PCSK5: variants seen among roughly 807,000 people sequenced by gnomAD.
The protein encoded by PCSK5 is prohormone convertase 5.
PCSK5 carries 129 observed loss-of-function variants against 233.2 expected under a neutral mutation model. The observed-to-expected ratio is 0.55, with a 90% CI of 0.48 to 0.64. The LOEUF is 0.64. Ranked by LOEUF, PCSK5 falls within the 30% of genes least tolerant of loss-of-function variation. The pLI is 0.00. For synonymous variants in PCSK5, 825 were observed against 879.2 expected, an observed-to-expected ratio of 0.94 and a Z score of 1.09; for missense variants, 2,076 against 2,430.1, an observed-to-expected ratio of 0.85 and a Z score of 3.06.
At chr9:76,259,757 G>A (rs1827106811) in intron 24 of PCSK5, among the ~76,000 whole-genome samples, 1 of 152,072 alleles carries the variant, frequency 6.6e-6, no homozygotes, top group Admixed American at 6.5e-5. Flanking sequence ...GTCCTCACAG[G>A]TAAATCTATG....
intron 20 of PCSK5, among the ~76,000 whole-genome samples, chr9:76,209,291 C>T (rs753058252): frequency 1.2e-4 from 18 of 152,210 alleles, no homozygotes; most frequent in Non-Finnish European, 2.5e-4. Context: ...TACTTGCAAC[C>T]TGCGTTCCTA....
intron 3 of PCSK5, among the ~76,000 whole-genome samples, chr9:75,988,442 T>A (rs949989371): frequency 5.9e-5 from 9 of 151,760 alleles, no homozygotes; most frequent in Non-Finnish European, 1.2e-4. Context: ...CCACCATGCT[T>A]GGTTAATTTT....
intron 5 of PCSK5, among the ~76,000 whole-genome samples, chr9:76,032,099 C>G (rs1468015770): frequency 1.3e-5 from 2 of 152,044 alleles, no homozygotes; most frequent in Non-Finnish European, 2.9e-5. Flanking sequence ...AGCATGAGTC[C>G]TTGAATTTGA....
chr9:76,030,814 A>C (rs1828622835), intron 5 of PCSK5, among the ~76,000 whole-genome samples: 1 of 151,920 alleles, frequency 6.6e-6, no homozygotes, highest in Non-Finnish European at 1.5e-5. Context: ...GCCACTTCCC[A>C]AGACCCTTGT....
At chr9:75,958,907 A>G (rs921195429) in intron 2 of PCSK5, among the ~76,000 whole-genome samples, 2 of 152,248 alleles carry the variant, frequency 1.3e-5, no homozygotes, top group Non-Finnish European at 2.9e-5. Context: ...TCGCTTAACA[A>G]GGAATTGGTA....
intron 13 of PCSK5, among the ~76,000 whole-genome samples, chr9:76,171,032 A>G (rs1301121338): frequency 6.6e-6 from 1 of 152,226 alleles, no homozygotes; most frequent in East Asian, 1.9e-4. Context: ...ACGTTTTGTT[A>G]AAGAGTATCT....
At chr9:76,271,684 T>A (rs367547547) in intron 24 of PCSK5, among the ~76,000 whole-genome samples, 2 of 151,420 alleles carry the variant, frequency 1.3e-5, no homozygotes, top group East Asian at 1.9e-4. Flanking sequence ...AAAAAAAAAA[T>A]TAAAAATGGA....
chr9:76,338,911 C>G lies in PCSK5; in HGVS notation c.4966+464C>G, dbSNP rs114310070. On this transcript the variant is annotated intron_variant, in intron 35 of 37. Transcript: ENST00000674117. Reference sequence around the variant, plus strand: ...GCTGATACTTTGAAGTTCTCCTTGACTCTTCTCCTTCCCCTGTTGCCTGCC... The same window carrying G: ...GCTGATACTTTGAAGTTCTCCTTGAGTCTTCTCCTTCCCCTGTTGCCTGCC... 2.0e-3 allele frequency among the ~76,000 whole-genome samples: 308 copies of G among 152,220 alleles called. 2 individuals are homozygous for G. The highest frequency in any genetic ancestry group is 7.0e-3 in the African/African-American group (291 of 41,540).
At chr9:76,313,346 CAG>C (rs575627510) in intron 30 of PCSK5, among the ~76,000 whole-genome samples, 7 of 152,302 alleles carry the variant, frequency 4.6e-5, no homozygotes, top group African/African-American at 1.4e-4. Context: ...AGTATATTCA[CAG>C]AGTTATGCAA....
intron 22 of PCSK5, among the ~76,000 whole-genome samples, chr9:76,234,880 T>A (rs1826201157): frequency 6.6e-6 from 1 of 152,238 alleles, no homozygotes; most frequent in African/African-American, 2.4e-5. Flanking sequence ...TCATTTGAGA[T>A]GTTTCCTCTT....
intron 3 of PCSK5, among the ~76,000 whole-genome samples, chr9:76,014,499 A>G (rs1036902668): frequency 6.6e-6 from 1 of 152,206 alleles, no homozygotes; most frequent in African/African-American, 2.4e-5. Context: ...CATGACCTCA[A>G]AAGGGAAACA....
chr9:76,137,759 T>A (rs1285536518), intron 10 of PCSK5, among the ~76,000 whole-genome samples: 1 of 152,128 alleles, frequency 6.6e-6, no homozygotes, highest in Admixed American at 6.6e-5. Flanking sequence ...TGAACAGATG[T>A]GATATTCTGC....
At chr9:76,017,994 AG>A (rs1410414477) in intron 3 of PCSK5, among the ~76,000 whole-genome samples, 1 of 98,820 alleles carries the variant, frequency 1.0e-5, no homozygotes, top group Non-Finnish European at 1.9e-5. Context: ...AAAAGGTTAA[AG>A]AAGGTCTCCT....
intron 9 of PCSK5, among the ~76,000 whole-genome samples, chr9:76,127,374 C>T (rs567773455): frequency 6.6e-6 from 1 of 152,260 alleles, no homozygotes; most frequent in African/African-American, 2.4e-5. Flanking sequence ...TCACTATCCT[C>T]CACAATTACA....
At chr9:76,276,362 A>G (rs1034991323) in intron 24 of PCSK5, among the ~76,000 whole-genome samples, 1 of 152,210 alleles carries the variant, frequency 6.6e-6, no homozygotes, top group Non-Finnish European at 1.5e-5. Flanking sequence ...ATCATTTTAA[A>G]TAAATCAGAT....
intron 36 of PCSK5, among the ~76,000 whole-genome samples, chr9:76,351,517 AAAGAAAGAAAGAAAGGAAGG>A (rs1830149192): frequency 4.9e-5 from 6 of 122,108 alleles, no homozygotes; most frequent in Non-Finnish European, 9.0e-5. Flanking sequence ...AGAAAGAAAG[AAAGAAAGAAAGAAAGGAAGG>A]AAAGAAAGAG....
intron 34 of PCSK5, among the ~76,000 whole-genome samples, chr9:76,336,499 T>G (rs896519954): frequency 6.6e-6 from 1 of 152,226 alleles, no homozygotes; most frequent in Non-Finnish European, 1.5e-5. Flanking sequence ...AACCTTTGTT[T>G]GCCTTCAATT....
In PCSK5 at chr9:75,930,302, C is replaced by T. The variant is rs181275277; in HGVS notation, c.193-2077C>T. Among the ~76,000 whole-genome samples the T allele has an allele frequency of 5.0e-3, 754 of 152,124 alleles. 1 individual carries two copies. Among genetic ancestry groups the T allele is most frequent in the Non-Finnish European group, 8.9e-3 (603 of 67,990 alleles). ...ATTCAAGATGAGATTTGGGTGGGGA[C>T]GCAGCCAAACAATATCAGCCAGAGT... On this transcript the variant is annotated intron_variant, in intron 1 of 37. Transcript: ENST00000674117.
intron 5 of PCSK5, among the ~76,000 whole-genome samples, chr9:76,030,496 A>T (rs1828609362): frequency 6.6e-6 from 1 of 152,220 alleles, no homozygotes; most frequent in Non-Finnish European, 1.5e-5. Flanking sequence ...CAACATAACA[A>T]TTATAATTAT....
Sources: gnomAD v4.1 joint callset for allele counts (sites outside exome capture counted in the v4.1 genomes callset) on GRCh38, gnomAD v4.1.1 for gene constraint, MANE v1.5 for transcripts, NCBI Gene and HGNC (gene_info 2026-07-23, HGNC 2026-07-21) for gene names.